Variants in MIX23 observed in about 807,000 individuals in gnomAD.
MIX23 encodes the protein mitochondrial matrix import factor 23.
In MIX23, 13 loss-of-function variants were observed where a neutral mutation model predicts 21.6. The ratio of observed to expected loss-of-function variants is 0.60; its 90% confidence interval spans 0.39 to 0.96. The LOEUF (loss-of-function observed/expected upper bound fraction) is 0.96, where lower values mean the gene tolerates loss of function less well. Among genes scored for constraint, MIX23 ranks in the 40% least tolerant of loss-of-function variants. The pLI, the probability that MIX23 is intolerant of heterozygous loss-of-function variation, is 0.00. For synonymous variants in MIX23, 59 were observed against 58.0 expected (o/e 1.02, Z -0.08); for missense variants, 144 against 171.2 (o/e 0.84, Z 0.89).
intron 4 of MIX23, 41 bp from the exon 5 acceptor site, chr3:122,359,960 T>C (rs1476905324): frequency 1.2e-5 from 18 of 1,552,158 alleles, no homozygotes; most frequent in Non-Finnish European, 1.5e-5. Flanking sequence ...TGAGTTATCC[T>C]GCGTAAATCA....
chr3:122,376,284 T>C (rs2075486316), intron 1 of MIX23, among the ~76,000 whole-genome samples: 1 of 151,382 alleles, frequency 6.6e-6, no homozygotes, highest in Non-Finnish European at 1.5e-5. Context: ...ATGGTGTACG[T>C]ATACACACAC....
intron 1 of MIX23, among the ~76,000 whole-genome samples, chr3:122,381,371 A>G (rs2075529635): frequency 6.6e-6 from 1 of 152,210 alleles, no homozygotes. Flanking sequence ...TATGTAATAA[A>G]GGTTAAACAG....
chr3:122,383,145 T>C (rs757162253), intron 1 of MIX23, 29 bp downstream of exon 1: 5 of 1,613,582 alleles, frequency 3.1e-6, no homozygotes, highest in Admixed American at 3.3e-5. Context: ...AGGAGGCACA[T>C]GCCTGCCACA....
rs754411995 is a variant in MIX23, at chr3:122,368,344, A to G, written c.178-22T>C. ...TCAACTAAAAGAACAAAGGAATGAA[A>G]GGAGAAAAAAAAACTGCATAAATTT... On this transcript the variant is annotated intron_variant, in intron 2 of 4. Coordinates refer to ENST00000291458, the MANE Select transcript of MIX23 (RefSeq NM_001017928.4). The G allele has an allele frequency of 3.9e-6, 6 of 1,554,000 alleles. No homozygotes were observed. In the African/African-American group the frequency reaches 7.0e-5, roughly 18 times the overall value.
At chr3:122,376,580 T>C (rs1426790307) in intron 1 of MIX23, among the ~76,000 whole-genome samples, 2 of 151,874 alleles carry the variant, frequency 1.3e-5, no homozygotes, top group Admixed American at 6.6e-5. Context: ...GATTGCACCA[T>C]TGCACTCCAG....
rs753660265 is a variant in MIX23, at chr3:122,376,428, G to A, written c.52-4628C>T. Among the ~76,000 whole-genome samples, 104 of 151,910 alleles carry A rather than the reference G, an allele frequency of 6.8e-4. 1 individual carries two copies. Among genetic ancestry groups the A allele is most frequent in the Middle Eastern group, 3.4e-3 (1 of 292 alleles). On this transcript the variant is annotated intron_variant, in intron 1 of 4. Transcript: ENST00000291458. ...AGGTCAGGAGTTCAAGACCAGCTTG[G>A]ACAACACGGTGAAACCCCATCTCTA...
intron 3 of MIX23, 140 bp from the exon 4 acceptor site, chr3:122,363,167 T>A: frequency 1.6e-6 from 1 of 642,574 alleles, no homozygotes; most frequent in Non-Finnish European, 2.7e-6. Flanking sequence ...TGTCTGTTAA[T>A]GGCAGAGTTT....
At chr3:122,381,105 C>T (rs1213169022) in intron 1 of MIX23, among the ~76,000 whole-genome samples, 1 of 152,214 alleles carries the variant, frequency 6.6e-6, no homozygotes, top group Non-Finnish European at 1.5e-5. Context: ...TTGCCTCTGC[C>T]TAGAATACCC....
Position 122,371,663 on chromosome 3 carries a change from A to C in MIX23, c.177+12T>G, listed in dbSNP as rs756446192. The C allele has an allele frequency of 2.3e-5, 37 of 1,611,034 alleles. No individual in the cohort carries two copies. The highest frequency in any genetic ancestry group is 3.0e-5 in the Non-Finnish European group (35 of 1,179,536). On this transcript the variant is annotated intron_variant, in intron 2 of 4. Coordinates refer to ENST00000291458, the MANE Select transcript of MIX23 (RefSeq NM_001017928.4). ...GCATGAAAGAAGCAAAAGACTCAAAAAATACACTTACAGACTCATAAAGTT... is the reference window on the plus strand; with the variant it reads ...GCATGAAAGAAGCAAAAGACTCAAACAATACACTTACAGACTCATAAAGTT...
Position 122,372,575 on chromosome 3 carries a change from A to G in MIX23, c.52-775T>C, listed in dbSNP as rs529270741. ...GGTGGCTCACACCTGTAATCCCAAC[A>G]CTTTAGGAGGCTGAGGCAGGAGTAT... On this transcript the variant is annotated intron_variant, in intron 1 of 4. Transcript: ENST00000291458. Among the ~76,000 whole-genome samples, 200 of 152,264 alleles carry G rather than the reference A, an allele frequency of 1.3e-3. 2 individuals are homozygous for G. The Middle Eastern group carries it at 0.014, about 10-fold the overall frequency.
At chr3:122,367,937 A>T in intron 3 of MIX23, 1 of 495,236 alleles carries the variant, frequency 2.0e-6, no homozygotes, top group Non-Finnish European at 3.6e-6. Context: ...ATAAATTATG[A>T]CTGTGCTTAT....
At chr3:122,367,658 C>T (rs893418604) in intron 3 of MIX23, among the ~76,000 whole-genome samples, 2 of 152,162 alleles carry the variant, frequency 1.3e-5, no homozygotes, top group Non-Finnish European at 2.9e-5. Context: ...TAATGAGGTA[C>T]AAGTAAATCT....
intron 1 of MIX23, among the ~76,000 whole-genome samples, chr3:122,376,187 A>C (rs74489707): frequency 2.0e-5 from 3 of 151,618 alleles, no homozygotes; most frequent in Admixed American, 2.0e-4. Context: ...AAAAAAAAAA[A>C]AAGACACCTG....
chr3:122,378,272 T>C (rs991202743), intron 1 of MIX23, among the ~76,000 whole-genome samples: 1 of 152,228 alleles, frequency 6.6e-6, no homozygotes, highest in African/African-American at 2.4e-5. Context: ...AGTTTTGAGT[T>C]TGAACACTTT....
intron 3 of MIX23, among the ~76,000 whole-genome samples, chr3:122,367,402 C>G (rs2075404667): frequency 6.6e-6 from 1 of 152,196 alleles, no homozygotes; most frequent in Non-Finnish European, 1.5e-5. Context: ...GTTTCCTTGA[C>G]ACGTCACATA....
At chr3:122,368,740 C>T (rs951221060) in intron 2 of MIX23, among the ~76,000 whole-genome samples, 16 of 152,282 alleles carry the variant, frequency 1.1e-4, no homozygotes, top group Non-Finnish European at 2.4e-4. Context: ...TTTGTCCTTT[C>T]ATATTTTTTC....
chr3:122,362,171 A>C (rs999261383), intron 4 of MIX23, among the ~76,000 whole-genome samples: 7 of 152,188 alleles, frequency 4.6e-5, no homozygotes, highest in African/African-American at 1.7e-4. Flanking sequence ...GAGCTTGTAA[A>C]TCTATGAGCA....
intron 1 of MIX23, among the ~76,000 whole-genome samples, chr3:122,373,426 A>G (rs1275296357): frequency 2.0e-5 from 3 of 151,932 alleles, no homozygotes; most frequent in Non-Finnish European, 4.4e-5. Context: ...CATGTGCAAT[A>G]CACCTTGCTA....
At chr3:122,380,731 T>G (rs2075524968) in intron 1 of MIX23, among the ~76,000 whole-genome samples, 1 of 152,180 alleles carries the variant, frequency 6.6e-6, no homozygotes, top group South Asian at 2.1e-4. Flanking sequence ...ATAGCTTAGA[T>G]TATAAAATTC....
Sources: gnomAD v4.1 joint callset for allele counts (sites outside exome capture counted in the v4.1 genomes callset) on GRCh38, gnomAD v4.1.1 for gene constraint, MANE v1.5 for transcripts, NCBI Gene and HGNC (gene_info 2026-07-23, HGNC 2026-07-21) for gene names.